The following FGF18 variants were observed in gnomAD, a reference collection of about 807,000 sequenced individuals.
The protein encoded by FGF18 is fibroblast growth factor 18.
A neutral mutation model predicts 23.0 loss-of-function variants in FGF18; 5 were observed. The observed-to-expected ratio is 0.22, with a 90% CI of 0.11 to 0.46. The LOEUF (loss-of-function observed/expected upper bound fraction) is 0.46, where lower values mean the gene tolerates loss of function less well. Among genes scored for constraint, FGF18 ranks in the 20% least tolerant of loss-of-function variants. The probability of loss-of-function intolerance (pLI) is 0.99; values close to 1 mark genes in which losing one functional copy is unlikely to be tolerated. For missense variants in FGF18, 180 were observed against 291.6 expected, an observed-to-expected ratio of 0.62 and a Z score of 2.79; for synonymous variants, 117 against 118.9, an observed-to-expected ratio of 0.98 and a Z score of 0.10.
In FGF18 at chr5:171,420,389, T is replaced by G. The variant is rs771094811; in HGVS notation, c.33-18T>G. On this transcript the variant is annotated intron_variant, in intron 1 of 4. Coordinates refer to ENST00000274625, the MANE Select transcript of FGF18 (RefSeq NM_003862.3). ...TTCCTCAGGTCCCACTGACCGCTTC[T>G]CCATCTGTTTCCCGCAGGTGTTTAC... 7 of 1,613,438 alleles carry G rather than the reference T, an allele frequency of 4.3e-6. No individual in the cohort carries two copies. Among genetic ancestry groups the G allele is most frequent in the East Asian group, 4.5e-5 (2 of 44,830 alleles).
intron 4 of FGF18, 124 bp downstream of exon 4, chr5:171,449,377 G>GTA (rs1772461152): frequency 2.1e-6 from 1 of 478,128 alleles, no homozygotes; most frequent in South Asian, 2.0e-5. Context: ...GTGTGTGTGT[G>GTA]TGTGTGTGTG....
chr5:171,445,803 G>A (rs1772410057), intron 3 of FGF18, among the ~76,000 whole-genome samples: 1 of 152,174 alleles, frequency 6.6e-6, no homozygotes, highest in South Asian at 2.1e-4. Context: ...GAGGAAGTCT[G>A]ATGAGCAGGG....
intron 4 of FGF18, among the ~76,000 whole-genome samples, chr5:171,453,422 C>A (rs1234504973): frequency 6.6e-6 from 1 of 152,216 alleles, no homozygotes. Context: ...GCTCCTTGTA[C>A]ATCCAAAACC....
intron 2 of FGF18, among the ~76,000 whole-genome samples, chr5:171,430,415 G>C (rs1182551148): frequency 1.3e-5 from 2 of 151,188 alleles, no homozygotes; most frequent in Admixed American, 1.3e-4. Context: ...GCATTACATA[G>C]GAAGACATCC....
Position 171,420,130 on chromosome 5 carries a change from C to G in FGF18, c.-70C>G. 7.7e-7 allele frequency: 1 copy of G among 1,302,616 alleles called. No individual in the cohort carries two copies. Among genetic ancestry groups the G allele is most frequent in the Non-Finnish European group, 9.7e-7 (1 of 1,026,588 alleles). 80.7% of individuals were successfully genotyped at this position (1,302,616 alleles called of 1,614,324 possible). On this transcript the variant is annotated 5_prime_UTR_variant, in exon 1 of 5. Coordinates refer to ENST00000274625, the MANE Select transcript of FGF18 (RefSeq NM_003862.3). ...GCGGCGGCGGCGGCGGCGGAGGCGC[C>G]CGGTCCCGGCCGCGCGGAGCGGACA...
intron 2 of FGF18, among the ~76,000 whole-genome samples, chr5:171,425,729 A>G (rs1459032607): frequency 6.7e-6 from 1 of 148,192 alleles, no homozygotes; most frequent in Non-Finnish European, 1.5e-5. Context: ...ATGGGGTTTC[A>G]CTGTGTTTGC....
chr5:171,432,526 A>G (rs992952916), intron 2 of FGF18, among the ~76,000 whole-genome samples: 6 of 152,132 alleles, frequency 3.9e-5, no homozygotes, highest in Non-Finnish European at 7.3e-5. Flanking sequence ...CTCCGGCCTC[A>G]GCCTCCTGAG....
At chr5:171,428,978 C>T (rs556253242) in intron 2 of FGF18, among the ~76,000 whole-genome samples, 1 of 152,340 alleles carries the variant, frequency 6.6e-6, no homozygotes, top group South Asian at 2.1e-4. Flanking sequence ...GCTGATGGCT[C>T]AACCCTGCCA....
chr5:171,427,117 G>C (rs985528306), intron 2 of FGF18, among the ~76,000 whole-genome samples: 3 of 151,632 alleles, frequency 2.0e-5, no homozygotes, highest in Non-Finnish European at 4.4e-5. Flanking sequence ...TGAGACAGGA[G>C]AATCGCTTGA....
At position 171,455,210 on chromosome 5, in the gene FGF18, G is replaced by A. The variant is rs561099426; in HGVS notation, c.358-1329G>A. On this transcript the variant is annotated intron_variant, in intron 4 of 4. Coordinates refer to ENST00000274625, the MANE Select transcript of FGF18 (RefSeq NM_003862.3). Reference sequence around the variant, plus strand: ...TTGTCCAGCAGACCCAGGCTCCCAAGGGAGTTCACACATCGGCCCAGGAGC... The same window carrying A: ...TTGTCCAGCAGACCCAGGCTCCCAAAGGAGTTCACACATCGGCCCAGGAGC... Among the ~76,000 whole-genome samples the A allele has an allele frequency of 5.3e-5, 8 of 152,300 alleles. No individual in the cohort carries two copies. In the East Asian group the frequency reaches 1.5e-3, roughly 29 times the overall value.
At position 171,436,254 on chromosome 5, in the gene FGF18, C is replaced by A. The variant is rs768525232; in HGVS notation, c.231C>A (p.Gly77=). ...TGGGCCGCAGGATCAGTGCCCGCGGCGAGGATGGGGACAAGTATGGTATGT... is the reference window on the plus strand; with the variant it reads ...TGGGCCGCAGGATCAGTGCCCGCGGAGAGGATGGGGACAAGTATGGTATGT... ...QVLGRRISAR[G]EDGDKYAQLL... Residue 77 remains glycine, a synonymous_variant, in exon 3 of 5, where the codon GGC becomes GGA. Coordinates refer to ENST00000274625, the MANE Select transcript of FGF18 (RefSeq NM_003862.3). The surrounding 1 kb of genome is among the most constrained non-coding windows in gnomAD (Gnocchi z 4.4). 5 of 1,590,754 alleles carry A rather than the reference C, an allele frequency of 3.1e-6. No homozygotes were observed. The highest frequency in any genetic ancestry group is 1.4e-5 in the African/African-American group (1 of 74,042).
At chr5:171,446,058 A>G (rs1772414596) in intron 3 of FGF18, among the ~76,000 whole-genome samples, 2 of 151,926 alleles carry the variant, frequency 1.3e-5, no homozygotes, top group South Asian at 4.2e-4. Context: ...TGCTGCTGCT[A>G]TTACTCCCCA....
Position 171,436,039 on chromosome 5 carries a change from T to C in FGF18, c.70-54T>C. The C allele has an allele frequency of 7.2e-7, 1 of 1,389,686 alleles. No individual in the cohort carries two copies. Among genetic ancestry groups the C allele is most frequent in the Non-Finnish European group, 9.5e-7 (1 of 1,056,018 alleles). 86.1% of individuals were successfully genotyped at this position (1,389,686 alleles called of 1,614,324 possible). On this transcript the variant is annotated intron_variant, in intron 2 of 4. Transcript: ENST00000274625. This position sits in a 1 kb window ranked among gnomAD's most constrained non-coding sequence, Gnocchi z 4.4. Reference sequence around the variant, plus strand: ...GTGGTGGACGTGGCTGGCTCCTGCATGCAGTGGGCCTGGGACATCTGGGGT... The same window carrying C: ...GTGGTGGACGTGGCTGGCTCCTGCACGCAGTGGGCCTGGGACATCTGGGGT...
chr5:171,429,595 G>A (rs866528928), intron 2 of FGF18, among the ~76,000 whole-genome samples: 12 of 152,376 alleles, frequency 7.9e-5, no homozygotes, highest in Middle Eastern at 3.4e-3. Flanking sequence ...TGGCTGGCCC[G>A]ATGCTGCTGC....
intron 2 of FGF18, among the ~76,000 whole-genome samples, chr5:171,425,271 TCTCA>T (rs1347578724): frequency 6.6e-6 from 1 of 152,180 alleles, no homozygotes; most frequent in Non-Finnish European, 1.5e-5. Context: ...TGAGTTGGAG[TCTCA>T]CTCTGTTGCC....
chr5:171,435,642 A>G (rs1436467580), intron 2 of FGF18, among the ~76,000 whole-genome samples: 3 of 151,972 alleles, frequency 2.0e-5, no homozygotes, highest in East Asian at 1.9e-4. Flanking sequence ...TTCTTTCCCC[A>G]TGGACCCAGC....
chr5:171,437,934 C>T (rs1172967983), intron 3 of FGF18, among the ~76,000 whole-genome samples: 1 of 152,064 alleles, frequency 6.6e-6, no homozygotes, highest in Non-Finnish European at 1.5e-5. Context: ...AATGGCCGGC[C>T]CCTCACCCCA....
At chr5:171,449,343 C>A in intron 4 of FGF18, 90 bp downstream of exon 4, 15 of 653,698 alleles carry the variant, frequency 2.3e-5, no homozygotes, top group East Asian at 4.1e-5. Context: ...ACTGTCAGTC[C>A]CAAATGGAAA....
At position 171,457,362 on chromosome 5, in the gene FGF18, C is replaced by T. The variant is rs1175189900; in HGVS notation, c.*557C>T. ...GGAAGGCGTGCCCCTGGGAATTCTC[C>T]GCGCCTCGACCTCCCGACGACAGAC... On this transcript the variant is annotated 3_prime_UTR_variant, in exon 5 of 5. Transcript: ENST00000274625. 6.5e-6 allele frequency: 1 copy of T among 152,690 alleles called. No homozygotes were observed. Among genetic ancestry groups the T allele is most frequent in the Non-Finnish European group, 1.5e-5 (1 of 68,570 alleles). The allele number at this position is 152,690 out of a possible 1,614,324, so 9.5% of individuals were successfully genotyped here.
Sources: allele counts gnomAD v4.1 joint callset (sites outside exome capture counted in the v4.1 genomes callset), GRCh38; gene constraint gnomAD v4.1.1; non-coding constraint Gnocchi (gnomAD v3.1); transcripts MANE v1.5; gene names NCBI Gene and HGNC (gene_info 2026-07-23, HGNC 2026-07-21).